Variants in SORBS2 observed in about 807,000 individuals in gnomAD.
SORBS2 encodes the protein sorbin and SH3 domain containing 2.
In SORBS2, 46 loss-of-function variants were observed where a neutral mutation model predicts 97.7. That is an observed-to-expected ratio of 0.47 (90% CI 0.37 to 0.60). The LOEUF (loss-of-function observed/expected upper bound fraction) is 0.60, where lower values mean the gene tolerates loss of function less well. Among genes scored for constraint, SORBS2 ranks in the 20% least tolerant of loss-of-function variants. SORBS2 has a pLI of 0.00. For missense variants in SORBS2, 1,316 were observed against 1,282.3 expected, an observed-to-expected ratio of 1.03 and a Z score of -0.40; for synonymous variants, 476 against 473.4, an observed-to-expected ratio of 1.01 and a Z score of -0.07.
intron 2 of SORBS2, among the ~76,000 whole-genome samples, chr4:185,716,311 C>A (rs140412830): frequency 6.6e-6 from 1 of 152,300 alleles, no homozygotes; most frequent in East Asian, 1.9e-4. Flanking sequence ...GTGACTTATC[C>A]TCTCTCTGAA....
intron 1 of SORBS2, among the ~76,000 whole-genome samples, chr4:185,801,480 G>A (rs550203523): frequency 7.9e-5 from 12 of 152,228 alleles, no homozygotes; most frequent in South Asian, 4.1e-4. Flanking sequence ...ACCAACACTC[G>A]TTATCTTTTG....
rs137969963 is a variant in SORBS2, at chr4:185,721,407, CG to C, written c.-197-42586del. ...ACTCTTTAACTATGACAGATGTGAA[CG>C]TTTGATCTCTTTGCAGACAAGATCA... On this transcript the variant is annotated intron_variant, in intron 2 of 20. Transcript: ENST00000284776. Among the ~76,000 whole-genome samples, 248 of 152,226 alleles carry C rather than the reference CG, an allele frequency of 1.6e-3. 1 individual carries two copies. In the East Asian group the frequency reaches 0.041, roughly 25 times the overall value.
chr4:185,860,308 TAAAC>T (rs1264177030), intron 1 of SORBS2, among the ~76,000 whole-genome samples: 2 of 152,142 alleles, frequency 1.3e-5, no homozygotes, highest in African/African-American at 4.8e-5. Flanking sequence ...TGATGGTAAA[TAAAC>T]AAACAAGTAA....
intron 1 of SORBS2, among the ~76,000 whole-genome samples, chr4:185,888,280 A>T (rs2099240715): frequency 6.6e-6 from 1 of 152,068 alleles, no homozygotes; most frequent in Non-Finnish European, 1.5e-5. Flanking sequence ...GATTATCTGG[A>T]TGGGCTCTAA....
intron 1 of SORBS2, among the ~76,000 whole-genome samples, chr4:185,821,537 C>T (rs2153670671): frequency 6.6e-6 from 1 of 152,296 alleles, no homozygotes; most frequent in South Asian, 2.1e-4. Flanking sequence ...GATTCTCCTG[C>T]CTCAGCCTCC....
intron 2 of SORBS2, among the ~76,000 whole-genome samples, chr4:185,748,962 G>T (rs891377301): frequency 1.3e-5 from 2 of 152,174 alleles, no homozygotes; most frequent in African/African-American, 2.4e-5. Context: ...ATGCAGGAGA[G>T]CCCCAAGCTA....
rs61736043 is a variant in SORBS2, at chr4:185,624,192, A to T, written c.937T>A (p.Leu313Ile). The T allele has an allele frequency of 2.1e-3, 3,375 of 1,614,158 alleles. 64 individuals carry two copies. The African/African-American group carries it at 0.039, about 19-fold the overall frequency. Residue 313 changes from leucine to isoleucine, a missense_variant, in exon 7 of 15, where the codon TTA becomes ATA. Coordinates refer to ENST00000418609, the Ensembl canonical transcript of SORBS2. ...CTCTCCTTGGAGTCCTCCTCACATAACAGGGAGCCCATGCTTTCCGACTTG... is the reference window on the plus strand; with the variant it reads ...CTCTCCTTGGAGTCCTCCTCACATATCAGGGAGCCCATGCTTTCCGACTTG...
intron 1 of SORBS2, among the ~76,000 whole-genome samples, chr4:185,919,926 C>T (rs796376226): frequency 4.6e-5 from 7 of 152,200 alleles, no homozygotes; most frequent in East Asian, 1.9e-4. Context: ...CAAAATCTAC[C>T]GCTGTTCTGA....
chr4:185,765,548 T>C lies in SORBS2; in HGVS notation c.-198+9679A>G, dbSNP rs955225810. Among the ~76,000 whole-genome samples, 4 of 152,192 alleles carry C rather than the reference T, an allele frequency of 2.6e-5. No homozygotes were observed. The South Asian group carries it at 8.3e-4, about 32-fold the overall frequency. On this transcript the variant is annotated intron_variant, in intron 2 of 20. Coordinates refer to the SORBS2 transcript ENST00000284776. ...CTCACTGCAATCAAGCTTTCTCACC[T>C]TTGCATAAAAATTATCACTTTGATT...
At chr4:185,855,856 T>C (rs2099220383) in intron 1 of SORBS2, among the ~76,000 whole-genome samples, 1 of 152,216 alleles carries the variant, frequency 6.6e-6, no homozygotes, top group Non-Finnish European at 1.5e-5. Context: ...TTCTTTTAGT[T>C]ACTTGAAGTA....
intron 2 of SORBS2, among the ~76,000 whole-genome samples, chr4:185,768,265 A>C (rs1206610446): frequency 6.6e-6 from 1 of 152,230 alleles, no homozygotes; most frequent in African/African-American, 2.4e-5. Context: ...TGAAGGGCCT[A>C]GACTGATCAC....
intron 1 of SORBS2, among the ~76,000 whole-genome samples, chr4:185,855,524 A>T (rs545829644): frequency 6.6e-6 from 1 of 152,256 alleles, no homozygotes; most frequent in South Asian, 2.1e-4. Context: ...CTTGGCTGCT[A>T]ATCAAGGGCT....
intron 1 of SORBS2, among the ~76,000 whole-genome samples, chr4:185,781,585 C>A (rs2099029946): frequency 6.6e-6 from 1 of 151,044 alleles, no homozygotes; most frequent in Admixed American, 6.6e-5. Context: ...TGCCTCTGGC[C>A]CCTCCAGCCT....
chr4:185,615,061 G>A (rs1245062834), exon 10 of SORBS2: 2 of 1,613,666 alleles, frequency 1.2e-6, no homozygotes, highest in African/African-American at 1.3e-5. Context: ...GTATGAGATC[G>A]GGAAGATGCC....
chr4:185,791,794 C>CA, intron 1 of SORBS2, among the ~76,000 whole-genome samples: 1 of 152,084 alleles, frequency 6.6e-6, no homozygotes. Context: ...TAATAGTCAA[C>CA]AAAGGGAAAT....
In SORBS2 at chr4:185,679,200, C is replaced by T. The variant is rs10030091; in HGVS notation, c.-197-378G>A. 9.0e-3 allele frequency among the ~76,000 whole-genome samples: 1,365 copies of T among 152,236 alleles called. 26 individuals are homozygous for T. The highest frequency in any genetic ancestry group is 0.031 in the African/African-American group (1,273 of 41,548). ...CTCAAACTGCCAGATCCTTAGCTTCCAATGCCCTGCTGTTGATAAGCATAT... is the reference window on the plus strand; with the variant it reads ...CTCAAACTGCCAGATCCTTAGCTTCTAATGCCCTGCTGTTGATAAGCATAT... On this transcript the variant is annotated intron_variant, in intron 2 of 20. Transcript: ENST00000284776.
intron 1 of SORBS2, among the ~76,000 whole-genome samples, chr4:185,928,970 C>T (rs574031891): frequency 1.3e-5 from 2 of 152,298 alleles, no homozygotes; most frequent in South Asian, 4.1e-4. Flanking sequence ...CACATCCAAA[C>T]TCTTATGGTA....
chr4:185,830,081 T>C (rs566596445), intron 1 of SORBS2, among the ~76,000 whole-genome samples: 56 of 152,350 alleles, frequency 3.7e-4, no homozygotes, highest in African/African-American at 1.3e-3. Context: ...GAGGCACAGT[T>C]GTAATCGCAT....
At chr4:185,654,027 A>T (rs2097356071) in intron 1 of SORBS2, among the ~76,000 whole-genome samples, 1 of 152,194 alleles carries the variant, frequency 6.6e-6, no homozygotes, top group South Asian at 2.1e-4. Flanking sequence ...TCCTCTGGAC[A>T]TTAAGGGTTT....
Sources: allele counts gnomAD v4.1 joint callset (sites outside exome capture counted in the v4.1 genomes callset), GRCh38; gene constraint gnomAD v4.1.1; transcripts MANE v1.5; gene names NCBI Gene and HGNC (gene_info 2026-07-23, HGNC 2026-07-21).